Variants in DLGAP1 observed in about 807,000 individuals in gnomAD.
DLGAP1 encodes the protein DLG associated protein 1.
Under a neutral mutation model 90.8 loss-of-function variants are expected in DLGAP1, and 11 were observed. The observed-to-expected ratio is 0.12, with a 90% CI of 0.08 to 0.20. DLGAP1 has a LOEUF of 0.20. Ranked by LOEUF, DLGAP1 falls within the 10% of genes least tolerant of loss-of-function variation. The pLI is 1.00. For missense variants in DLGAP1, 1,050 were observed against 1,333.8 expected (o/e 0.79, Z 3.31); for synonymous variants, 558 against 540.7 (o/e 1.03, Z -0.44).
chr18:4,142,187 G>T (rs1205378853), intron 2 of DLGAP1, among the ~76,000 whole-genome samples: 1 of 152,172 alleles, frequency 6.6e-6, no homozygotes, highest in African/African-American at 2.4e-5. Context: ...CTCAAAAATT[G>T]TAAGTCATAA....
At chr18:3,639,755 C>CTT (rs58862252) in intron 7 of DLGAP1, among the ~76,000 whole-genome samples, 10 of 118,334 alleles carry the variant, frequency 8.5e-5, no homozygotes, top group Middle Eastern at 3.9e-3. Context: ...GCAGAGTTGC[C>CTT]TTTTTTTTTT....
chr18:3,927,221 G>C (rs1333101355), intron 3 of DLGAP1, among the ~76,000 whole-genome samples: 1 of 152,232 alleles, frequency 6.6e-6, no homozygotes, highest in African/African-American at 2.4e-5. Context: ...GCTAAAACTA[G>C]TGGGTGAAAG....
At chr18:4,298,777 A>T (rs1184559594) in intron 1 of DLGAP1, among the ~76,000 whole-genome samples, 1 of 152,054 alleles carries the variant, frequency 6.6e-6, no homozygotes, top group Non-Finnish European at 1.5e-5. Context: ...TAAATAAAAA[A>T]AAAAAAGCAG....
chr18:4,335,135 A>G (rs960741675), intron 1 of DLGAP1, among the ~76,000 whole-genome samples: 9 of 152,022 alleles, frequency 5.9e-5, no homozygotes, highest in Non-Finnish European at 1.2e-4. Context: ...CATCCAATTA[A>G]AAAACAGTTG....
intron 1 of DLGAP1, among the ~76,000 whole-genome samples, chr18:4,428,763 T>A (rs1418409735): frequency 6.6e-6 from 1 of 152,194 alleles, no homozygotes; most frequent in Non-Finnish European, 1.5e-5. Context: ...CTTTTCTTCA[T>A]AAATTACCCA....
At chr18:3,572,970 T>C (rs1177968008) in intron 8 of DLGAP1, among the ~76,000 whole-genome samples, 2 of 152,120 alleles carry the variant, frequency 1.3e-5, no homozygotes, top group Non-Finnish European at 2.9e-5. Flanking sequence ...GACACGATAA[T>C]AAGATGTGAG....
At chr18:3,518,512 C>T (rs2050978075) in intron 10 of DLGAP1, among the ~76,000 whole-genome samples, 1 of 125,028 alleles carries the variant, frequency 8.0e-6, no homozygotes, top group Non-Finnish European at 1.7e-5. Context: ...TTGCCACAAA[C>T]CTTCAATTTG....
intron 7 of DLGAP1, among the ~76,000 whole-genome samples, chr18:3,586,599 C>G (rs73940046): frequency 0.016 from 2,405 of 152,128 alleles, 47 homozygotes; most frequent in African/African-American, 0.055. Context: ...GGTGGCACAA[C>G]GGGCGCATGC....
chr18:3,527,706 T>G (rs1156410229), intron 10 of DLGAP1, among the ~76,000 whole-genome samples: 1 of 152,040 alleles, frequency 6.6e-6, no homozygotes, highest in East Asian at 1.9e-4. Context: ...TGCTCTCACC[T>G]CAGCCTCATG....
chr18:3,776,327 A>G (rs1425747113), intron 5 of DLGAP1, among the ~76,000 whole-genome samples: 1 of 152,222 alleles, frequency 6.6e-6, no homozygotes, highest in Non-Finnish European at 1.5e-5. Context: ...CTCTGTCTCC[A>G]GGGAAAGTAG....
chr18:3,833,215 T>G (rs931618597), intron 4 of DLGAP1, among the ~76,000 whole-genome samples: 3 of 95,994 alleles, frequency 3.1e-5, no homozygotes, highest in African/African-American at 1.3e-4. Flanking sequence ...CCTTCCTTCC[T>G]TCCTTCCTTC....
intron 4 of DLGAP1, among the ~76,000 whole-genome samples, chr18:3,822,343 T>C (rs564138625): frequency 2.4e-4 from 37 of 152,344 alleles, no homozygotes; most frequent in Admixed American, 1.8e-3. Context: ...TTGCTTACCA[T>C]GACCCTGTAG....
At chr18:3,853,023 T>C (rs2069429951) in intron 4 of DLGAP1, among the ~76,000 whole-genome samples, 1 of 152,046 alleles carries the variant, frequency 6.6e-6, no homozygotes, top group Non-Finnish European at 1.5e-5. Flanking sequence ...TTATTTTTTG[T>C]TGTTGTTGTT....
chr18:3,918,434 CA>C (rs780217813), intron 3 of DLGAP1, among the ~76,000 whole-genome samples: 12 of 152,194 alleles, frequency 7.9e-5, no homozygotes, highest in Non-Finnish European at 1.6e-4. Flanking sequence ...AGACGTTTTC[CA>C]GGCTGTTTTT....
intron 7 of DLGAP1, among the ~76,000 whole-genome samples, chr18:3,669,617 A>G (rs1791392): frequency 0.64 from 97,222 of 152,128 alleles, 33,185 homozygotes; most frequent in African/African-American, 0.89. Context: ...GGAATGAGGG[A>G]GAGTTGGTCC....
At chr18:3,803,976 AT>A (rs1227527460) in intron 5 of DLGAP1, among the ~76,000 whole-genome samples, 3 of 75,434 alleles carry the variant, frequency 4.0e-5, no homozygotes, top group South Asian at 5.7e-4. Flanking sequence ...ATATATATAT[AT>A]ATATATATAT....
intron 7 of DLGAP1, among the ~76,000 whole-genome samples, chr18:3,652,976 C>T (rs1394947230): frequency 6.6e-6 from 1 of 152,096 alleles, no homozygotes; most frequent in Non-Finnish European, 1.5e-5. Context: ...GTTTCCAGCT[C>T]GGGTGGCCCC....
At chr18:4,363,600 T>C (rs1221352503) in intron 1 of DLGAP1, among the ~76,000 whole-genome samples, 1 of 152,144 alleles carries the variant, frequency 6.6e-6, no homozygotes. Context: ...GCGAAGGACA[T>C]GAACAGACAC....
At chr18:3,952,567 T>G (rs975257603) in intron 3 of DLGAP1, among the ~76,000 whole-genome samples, 1 of 152,194 alleles carries the variant, frequency 6.6e-6, no homozygotes, top group Non-Finnish European at 1.5e-5. Context: ...CTTAGCCTAG[T>G]GTTGCTATTG....
Sources: gnomAD v4.1 joint callset for allele counts (sites outside exome capture counted in the v4.1 genomes callset) on GRCh38, gnomAD v4.1.1 for gene constraint, MANE v1.5 for transcripts, NCBI Gene and HGNC (gene_info 2026-07-23, HGNC 2026-07-21) for gene names.